Variants in LCLAT1 observed in about 807,000 individuals in gnomAD.
LCLAT1 encodes lysocardiolipin acyltransferase 1.
Under a neutral mutation model 30.7 loss-of-function variants are expected in LCLAT1, and 11 were observed. The ratio of observed to expected loss-of-function variants is 0.36; its 90% CI spans 0.23 to 0.59. The LOEUF is 0.59. LCLAT1 is among the 20% of genes least tolerant of loss of function. The pLI is 0.77. For synonymous variants in LCLAT1, 155 were observed against 151.3 expected, an observed-to-expected ratio of 1.02 and a Z score of -0.18; for missense variants, 402 against 458.6, an observed-to-expected ratio of 0.88 and a Z score of 1.13.
chr2:30,458,408 G>A (rs571470203), intron 1 of LCLAT1, among the ~76,000 whole-genome samples: 3 of 152,160 alleles, frequency 2.0e-5, no homozygotes, highest in Admixed American at 6.5e-5. Flanking sequence ...CAAGGACCTT[G>A]GTAGATTTGG....
At chr2:30,591,477 G>GA (rs1666691138) in intron 5 of LCLAT1, among the ~76,000 whole-genome samples, 1 of 152,154 alleles carries the variant, frequency 6.6e-6, no homozygotes, top group Non-Finnish European at 1.5e-5. Flanking sequence ...GTCAACAAAT[G>GA]AAAGAGTGCT....
At chr2:30,615,756 G>A (rs567233272) in intron 5 of LCLAT1, among the ~76,000 whole-genome samples, 2 of 152,272 alleles carry the variant, frequency 1.3e-5, no homozygotes, top group East Asian at 3.9e-4. Flanking sequence ...ATCTAGTTTG[G>A]CTTATGCACT....
At chr2:30,628,996 G>A (rs2148525409) in intron 5 of LCLAT1, among the ~76,000 whole-genome samples, 1 of 152,246 alleles carries the variant, frequency 6.6e-6, no homozygotes, top group East Asian at 1.9e-4. Context: ...CTAATAATCT[G>A]TGATAAAGAA....
chr2:30,640,338 GAGA>G lies in LCLAT1; in HGVS notation c.855_857del (p.Lys285del), dbSNP rs778256425. Reference sequence around the variant, plus strand: ...GAGGCTGCGTTCCTTCTATCAAGGGGAGAAGAATTTTTATTTTACCGGACAGAG... The same window carrying G: ...GAGGCTGCGTTCCTTCTATCAAGGGGAGAATTTTTATTTTACCGGACAGAG... On this transcript the variant is annotated inframe_deletion, in exon 6 of 6. Coordinates refer to ENST00000379509, the MANE Select transcript of LCLAT1 (RefSeq NM_001002257.3). The G allele has an allele frequency of 1.2e-6, 2 of 1,614,220 alleles. No individual in the cohort carries two copies. Among genetic ancestry groups the G allele is most frequent in the African/African-American group, 1.3e-5 (1 of 75,048 alleles).
intron 3 of LCLAT1, among the ~76,000 whole-genome samples, chr2:30,546,590 T>G (rs573019815): frequency 6.6e-6 from 1 of 152,320 alleles, no homozygotes; most frequent in East Asian, 1.9e-4. Flanking sequence ...TACAATAAAT[T>G]TGTGTAAATA....
intron 1 of LCLAT1, among the ~76,000 whole-genome samples, chr2:30,466,351 C>T (rs1290023911): frequency 6.6e-6 from 1 of 151,768 alleles, no homozygotes; most frequent in African/African-American, 2.4e-5. Flanking sequence ...ACCTTGGCTT[C>T]CCAAAGTGCT....
chr2:30,525,843 C>T, intron 2 of LCLAT1, 88 bp downstream of exon 2: 1 of 1,150,370 alleles, frequency 8.7e-7, no homozygotes, highest in South Asian at 1.3e-5. Context: ...TGTTCAAGTC[C>T]CTACAGTATT....
At chr2:30,545,800 A>T (rs998093242) in intron 3 of LCLAT1, among the ~76,000 whole-genome samples, 1 of 152,152 alleles carries the variant, frequency 6.6e-6, no homozygotes, top group African/African-American at 2.4e-5. Flanking sequence ...GTGCCAGGAA[A>T]TGCATGTGCC....
chr2:30,584,128 G>C (rs1254108936), intron 5 of LCLAT1, among the ~76,000 whole-genome samples: 1 of 151,990 alleles, frequency 6.6e-6, no homozygotes. Context: ...TGCAGTGTTT[G>C]TTTTTATTTC....
At chr2:30,505,100 G>T (rs1475501676) in intron 1 of LCLAT1, among the ~76,000 whole-genome samples, 3 of 152,094 alleles carry the variant, frequency 2.0e-5, no homozygotes, top group Admixed American at 1.3e-4. Context: ...CCCATCAGTG[G>T]ACATTAATGT....
chr2:30,573,659 C>G (rs1177838133), intron 5 of LCLAT1, among the ~76,000 whole-genome samples: 5 of 152,162 alleles, frequency 3.3e-5, no homozygotes, highest in Non-Finnish European at 7.3e-5. Context: ...AGGAAGCCTT[C>G]CTGATTTTCT....
chr2:30,474,042 A>T (rs1572493348), intron 1 of LCLAT1, among the ~76,000 whole-genome samples: 1 of 152,250 alleles, frequency 6.6e-6, no homozygotes, highest in South Asian at 2.1e-4. Context: ...ATAATGACTT[A>T]TGCAGCTATG....
chr2:30,572,394 A>G (rs1423302710), intron 5 of LCLAT1, among the ~76,000 whole-genome samples: 1 of 152,238 alleles, frequency 6.6e-6, no homozygotes, highest in Non-Finnish European at 1.5e-5. Flanking sequence ...AGAATCAACC[A>G]TAGAGCTTTT....
At chr2:30,539,248 C>CTTTTTTTTTT (rs72012748) in intron 3 of LCLAT1, among the ~76,000 whole-genome samples, 1 of 90,872 alleles carries the variant, frequency 1.1e-5, no homozygotes, top group Admixed American at 1.4e-4. Flanking sequence ...CGCGCCAGGC[C>CTTTTTTTTTT]TTTTTTTTTT....
intron 5 of LCLAT1, among the ~76,000 whole-genome samples, chr2:30,621,935 A>G (rs1668270625): frequency 6.6e-6 from 1 of 152,236 alleles, no homozygotes; most frequent in Non-Finnish European, 1.5e-5. Context: ...CAGGGAGTGC[A>G]GATATGATCA....
chr2:30,451,058 C>G (rs1025638814), intron 1 of LCLAT1, among the ~76,000 whole-genome samples: 2 of 152,150 alleles, frequency 1.3e-5, no homozygotes, highest in Non-Finnish European at 2.9e-5. Context: ...GCATAGATGT[C>G]TTGAACAGGC....
chr2:30,630,887 C>T (rs1013349177), intron 5 of LCLAT1, among the ~76,000 whole-genome samples: 3 of 152,150 alleles, frequency 2.0e-5, no homozygotes, highest in African/African-American at 7.2e-5. Context: ...CAGAGATTTG[C>T]ATGCTGTTAG....
chr2:30,469,856 G>T (rs1460143931), intron 1 of LCLAT1, among the ~76,000 whole-genome samples: 3 of 152,026 alleles, frequency 2.0e-5, no homozygotes, highest in African/African-American at 7.2e-5. Context: ...GCCTCCCAAA[G>T]TGCTGAGATT....
At chr2:30,636,635 C>T (rs569072633) in intron 5 of LCLAT1, among the ~76,000 whole-genome samples, 7 of 152,226 alleles carry the variant, frequency 4.6e-5, no homozygotes, top group African/African-American at 1.4e-4. Flanking sequence ...CTTGCCATCT[C>T]AAAACTTGCC....
Sources: gnomAD v4.1 joint callset for allele counts (sites outside exome capture counted in the v4.1 genomes callset) on GRCh38, gnomAD v4.1.1 for gene constraint, MANE v1.5 for transcripts, NCBI Gene and HGNC (gene_info 2026-07-23, HGNC 2026-07-21) for gene names.